ARHGEF9: variants seen among roughly 807,000 people sequenced by gnomAD.
ARHGEF9 encodes the protein Cdc42 guanine nucleotide exchange factor 9.
ARHGEF9 carries 2 observed loss-of-function variants against 41.3 expected under a neutral mutation model. The ratio of observed to expected loss-of-function variants is 0.05; its 90% CI spans 0.02 to 0.15. ARHGEF9 has a LOEUF of 0.15. ARHGEF9 is among the 10% of genes least tolerant of loss of function. The probability of loss-of-function intolerance (pLI) is 1.00; values close to 1 mark genes in which losing one functional copy is unlikely to be tolerated. For synonymous variants in ARHGEF9, 160 were observed against 154.4 expected (o/e 1.04, Z -0.27); for missense variants, 225 against 424.7 (o/e 0.53, Z 4.13).
chrX:63,659,917 A>G (rs2049111919), intron 7 of ARHGEF9, among the ~76,000 whole-genome samples: 1 of 111,897 alleles, frequency 8.9e-6, no homozygotes, highest in Admixed American at 9.5e-5. Flanking sequence ...CTTTCTCAGG[A>G]ATAGAATGCT....
At chrX:63,673,594 C>T (rs1218464644) in intron 6 of ARHGEF9, among the ~76,000 whole-genome samples, 8 of 110,423 alleles carry the variant, frequency 7.2e-5, no homozygotes, top group Non-Finnish European at 1.5e-4. Flanking sequence ...AATAGATGTG[C>T]TAGGGTGAGG....
At chrX:63,653,096 A>G (rs1391309856) in intron 8 of ARHGEF9, among the ~76,000 whole-genome samples, 1 of 111,683 alleles carries the variant, frequency 9.0e-6, no homozygotes, top group Non-Finnish European at 1.9e-5. Context: ...AGCACTGTGA[A>G]CATGGGCTAA....
intron 1 of ARHGEF9, among the ~76,000 whole-genome samples, chrX:63,759,265 CA>C (rs1232383756): frequency 9.0e-6 from 1 of 111,178 alleles, no homozygotes; most frequent in Non-Finnish European, 1.9e-5. Context: ...ACTTTGCTCA[CA>C]ATTTTTTTTA....
chrX:63,753,420 T>C (rs2055771422), intron 1 of ARHGEF9, among the ~76,000 whole-genome samples: 1 of 111,969 alleles, frequency 8.9e-6, no homozygotes, highest in South Asian at 3.8e-4. Context: ...TCATCAGCCT[T>C]ATCAAGTTAC....
intron 1 of ARHGEF9, among the ~76,000 whole-genome samples, chrX:63,763,717 ACT>A (rs1300427428): frequency 3.6e-5 from 4 of 111,058 alleles, no homozygotes; most frequent in Non-Finnish European, 7.6e-5. Context: ...CAAACCCCTG[ACT>A]CTCAGTCACC....
chrX:63,654,067 T>TATGTTC (rs1371341389), intron 8 of ARHGEF9, among the ~76,000 whole-genome samples: 74 of 108,549 alleles, frequency 6.8e-4, no homozygotes, highest in African/African-American at 2.4e-3. Context: ...TATTACTGAG[T>TATGTTC]ATGTTCATGT....
At chrX:63,687,789 T>C (rs1484404367) in intron 4 of ARHGEF9, among the ~76,000 whole-genome samples, 3 of 109,390 alleles carry the variant, frequency 2.7e-5, no homozygotes, top group African/African-American at 1.0e-4. Flanking sequence ...CGGTGAGCCC[T>C]AAGACTATTT....
intron 1 of ARHGEF9, among the ~76,000 whole-genome samples, chrX:63,777,914 A>G (rs781853150): frequency 1.5e-4 from 17 of 112,743 alleles, no homozygotes; most frequent in Admixed American, 5.6e-4. Flanking sequence ...CATGGCTGGC[A>G]TTGAGTGCCC....
intron 6 of ARHGEF9, chrX:63,670,277 ATCT>A (rs2049865602): frequency 9.0e-6 from 1 of 111,642 alleles, no homozygotes; most frequent in Admixed American, 9.5e-5. Context: ...CCTACATTTG[ATCT>A]TCTTGTCCCA....
intron 7 of ARHGEF9, chrX:63,657,839 T>C (rs1388877209): frequency 8.9e-6 from 1 of 112,138 alleles, no homozygotes; most frequent in Non-Finnish European, 1.9e-5. Context: ...TGTATGAATG[T>C]AATTTATCTC....
intron 1 of ARHGEF9, among the ~76,000 whole-genome samples, chrX:63,770,630 C>G (rs1164995177): frequency 8.9e-6 from 1 of 111,877 alleles, no homozygotes; most frequent in East Asian, 2.8e-4. Flanking sequence ...AGCTCTGTGT[C>G]CCCACCCAAA....
intron 4 of ARHGEF9, among the ~76,000 whole-genome samples, chrX:63,694,669 G>C (rs1216340221): frequency 8.9e-6 from 1 of 112,170 alleles, no homozygotes; most frequent in Non-Finnish European, 1.9e-5. Context: ...ATAAAAAGGA[G>C]ATCAATGTTT....
intron 9 of ARHGEF9, chrX:63,640,869 TTAAA>T (rs1363861005): frequency 8.9e-6 from 1 of 111,835 alleles, no homozygotes; most frequent in African/African-American, 3.3e-5. Context: ...CATGGTTATC[TTAAA>T]TAATCCCTTC....
chrX:63,735,151 C>G (rs1247032293), intron 1 of ARHGEF9, among the ~76,000 whole-genome samples: 1 of 111,614 alleles, frequency 9.0e-6, no homozygotes, highest in African/African-American at 3.3e-5. Context: ...CAGGACAAAC[C>G]TAGGGAATAT....
In ARHGEF9 at chrX:63,635,723, T is replaced by G; in HGVS notation, c.*2305A>C. 4.6e-6 allele frequency: 1 copy of G among 219,718 alleles called. No homozygotes were observed. The allele number at this position is 219,718 out of a possible 1,213,427, so 18.1% of individuals were successfully genotyped here. ...CAAGGAGGGAGGAAATGAGAGGGCC[T>G]AGTCAAGAAATGTAGGCCCAGAAAC... On this transcript the variant is annotated 3_prime_UTR_variant, in exon 10 of 10. Coordinates refer to ENST00000671741, the MANE Select transcript of ARHGEF9 (RefSeq NM_001353921.2).
At position 63,666,552 on chromosome X, in the gene ARHGEF9, T is replaced by C. The variant is rs183671008; in HGVS notation, c.946-535A>G. ...TTTTCTGTCCCAGTCTCTCAATCCC[T>C]GCTCTGGTCCCTCAGTCTCTTTCTA... On this transcript the variant is annotated intron_variant, in intron 6 of 9. Coordinates refer to ENST00000671741, the MANE Select transcript of ARHGEF9 (RefSeq NM_001353921.2). 2.1e-3 allele frequency among the ~76,000 whole-genome samples: 226 copies of C among 107,809 alleles called. 1 individual carries two copies. Among genetic ancestry groups the C allele is most frequent in the African/African-American group, 7.2e-3 (212 of 29,531 alleles). The allele number at this position is 107,809 out of a possible 115,157, so 93.6% of individuals were successfully genotyped here.
chrX:63,767,359 G>A, intron 1 of ARHGEF9: 2 of 616,596 alleles, frequency 3.2e-6, no homozygotes, highest in East Asian at 8.8e-5. Flanking sequence ...TTCTGAAGAA[G>A]ATAAAACTTG....
At chrX:63,641,650 C>T (rs1319826859) in intron 9 of ARHGEF9, 1 of 111,825 alleles carries the variant, frequency 8.9e-6, no homozygotes, top group Non-Finnish European at 1.9e-5. Context: ...CTCAGATATG[C>T]TTGAGGAACC....
chrX:63,760,454 A>G (rs1454557803), intron 1 of ARHGEF9, among the ~76,000 whole-genome samples: 7 of 111,744 alleles, frequency 6.3e-5, no homozygotes, highest in Non-Finnish European at 1.3e-4. Flanking sequence ...GTTCAATTCA[A>G]TAAGCCCTTA....
Sources: allele counts gnomAD v4.1 joint callset (sites outside exome capture counted in the v4.1 genomes callset), GRCh38; gene constraint gnomAD v4.1.1; transcripts MANE v1.5; gene names NCBI Gene and HGNC (gene_info 2026-07-23, HGNC 2026-07-21).